RBFOX1: variants seen among roughly 807,000 people sequenced by gnomAD.
RBFOX1 encodes RNA binding fox-1 homolog 1.
A neutral mutation model predicts 57.7 loss-of-function variants in RBFOX1; 8 were observed. The observed-to-expected ratio is 0.14, with a 90% CI of 0.08 to 0.25. The LOEUF is 0.25. Among genes scored for constraint, RBFOX1 ranks in the 10% least tolerant of loss-of-function variants. The probability of loss-of-function intolerance (pLI) is 1.00; values close to 1 mark genes in which losing one functional copy is unlikely to be tolerated. For synonymous variants in RBFOX1, 326 were observed against 222.4 expected (o/e 1.47, Z -4.15); for missense variants, 611 against 548.5 (o/e 1.11, Z -1.14).
intron 4 of RBFOX1, among the ~76,000 whole-genome samples, chr16:5,963,736 A>T (rs1371696806): frequency 6.6e-6 from 1 of 152,198 alleles, no homozygotes; most frequent in African/African-American, 2.4e-5. Context: ...TCCTTATCTT[A>T]TACTATACAT....
At chr16:7,344,184 A>T (rs2096951341) in intron 4 of RBFOX1, among the ~76,000 whole-genome samples, 1 of 149,830 alleles carries the variant, frequency 6.7e-6, no homozygotes, top group Non-Finnish European at 1.5e-5. Context: ...CCATATTAAA[A>T]GTGCCTAAAT....
In RBFOX1 at chr16:6,618,065, G is replaced by A. The variant is rs545493789; in HGVS notation, c.-63-36538G>A. Reference sequence around the variant, plus strand: ...TTTGCTCAAATGCAGCAATCCTTGTGTTTGTTTCTGCTGCTCTAGGCGGGA... The same window carrying A: ...TTTGCTCAAATGCAGCAATCCTTGTATTTGTTTCTGCTGCTCTAGGCGGGA... On this transcript the variant is annotated intron_variant, in intron 2 of 15. Transcript: ENST00000550418. Among the ~76,000 whole-genome samples, 21 of 152,258 alleles carry A rather than the reference G, an allele frequency of 1.4e-4. No individual in the cohort carries two copies. The East Asian group carries it at 3.7e-3, about 27-fold the overall frequency.
At chr16:7,695,676 T>C (rs904150362) in intron 14 of RBFOX1, among the ~76,000 whole-genome samples, 11 of 140,424 alleles carry the variant, frequency 7.8e-5, no homozygotes, top group Admixed American at 7.2e-5. Flanking sequence ...AAAAAAATCC[T>C]GCTGTGCCCA....
chr16:7,032,097 C>T (rs1239180222), intron 3 of RBFOX1, among the ~76,000 whole-genome samples: 1 of 152,102 alleles, frequency 6.6e-6, no homozygotes, highest in East Asian at 1.9e-4. Context: ...AGTGTCCCCT[C>T]TTGAGAATCA....
chr16:7,048,492 C>A (rs191022226), intron 3 of RBFOX1, among the ~76,000 whole-genome samples: 12,718 of 142,318 alleles, frequency 0.089, 815 homozygotes, highest in East Asian at 0.28. Flanking sequence ...ATCTCCTGAC[C>A]TCATGATCCA....
rs528789712 is a variant in RBFOX1 at position 7,250,932 on chromosome 16, C to T, written c.27+198834C>T. Among the ~76,000 whole-genome samples the T allele has an allele frequency of 9.2e-5, 14 of 152,198 alleles. No homozygotes were observed. The East Asian group carries it at 2.5e-3, about 27-fold the overall frequency. On this transcript the variant is annotated intron_variant, in intron 4 of 15. Coordinates refer to ENST00000550418, the MANE Select transcript of RBFOX1 (RefSeq NM_018723.4). Reference sequence around the variant, plus strand: ...TATACATTTATCATGTACAACATGACGTTTTGAAATATGTATATATTGTGG... The same window carrying T: ...TATACATTTATCATGTACAACATGATGTTTTGAAATATGTATATATTGTGG...
chr16:5,427,646 G>A (rs909994789), intron 1 of RBFOX1, among the ~76,000 whole-genome samples: 9 of 151,992 alleles, frequency 5.9e-5, no homozygotes, highest in African/African-American at 2.2e-4. Context: ...CAAGGTAGTT[G>A]GACAGGCTGG....
rs552195191 is a variant in RBFOX1 at position 5,936,369 on chromosome 16, C to T, written c.351+69034C>T. 6.6e-5 allele frequency among the ~76,000 whole-genome samples: 10 copies of T among 152,318 alleles called. No individual in the cohort carries two copies. In the South Asian group the frequency reaches 2.1e-3, roughly 32 times the overall value. On this transcript the variant is annotated intron_variant, in intron 4 of 19. Transcript: ENST00000641259. ...AAATGCCTGACCTCAAGTGATCCACCTACCTTAGCCTCCCACAGTGCTGGG... is the reference window on the plus strand; with the variant it reads ...AAATGCCTGACCTCAAGTGATCCACTTACCTTAGCCTCCCACAGTGCTGGG...
At chr16:5,415,702 C>T (rs1020117918) in intron 1 of RBFOX1, among the ~76,000 whole-genome samples, 4 of 152,034 alleles carry the variant, frequency 2.6e-5, no homozygotes, top group Non-Finnish European at 5.9e-5. Context: ...ATAAAAACTT[C>T]CTCTAAAAGT....
chr16:6,025,360 A>C (rs1207889356), intron 1 of RBFOX1, among the ~76,000 whole-genome samples: 1 of 152,190 alleles, frequency 6.6e-6, no homozygotes, highest in Non-Finnish European at 1.5e-5. Flanking sequence ...AAGAGGGATT[A>C]CTTTATAGGG....
chr16:6,126,657 G>A (rs538476447), intron 1 of RBFOX1, among the ~76,000 whole-genome samples: 3 of 152,206 alleles, frequency 2.0e-5, no homozygotes, highest in African/African-American at 7.2e-5. Context: ...TGTATATTCT[G>A]GGGGTCTGGC....
At chr16:7,604,112 G>C (rs1490322638) in intron 9 of RBFOX1, among the ~76,000 whole-genome samples, 1 of 152,150 alleles carries the variant, frequency 6.6e-6, no homozygotes, top group African/African-American at 2.4e-5. Flanking sequence ...GAAGAATCAA[G>C]GAAGTGTTGA....
chr16:6,430,936 G>C (rs2094062365), intron 2 of RBFOX1, among the ~76,000 whole-genome samples: 3 of 146,552 alleles, frequency 2.0e-5, no homozygotes, highest in Admixed American at 1.4e-4. Flanking sequence ...TTCGAGACCG[G>C]CATGGGCAAC....
intron 2 of RBFOX1, among the ~76,000 whole-genome samples, chr16:6,508,401 C>A (rs2096166921): frequency 6.6e-6 from 1 of 152,082 alleles, no homozygotes; most frequent in East Asian, 1.9e-4. Flanking sequence ...CTTAACACTC[C>A]TGAACTGTAC....
intron 4 of RBFOX1, among the ~76,000 whole-genome samples, chr16:7,336,825 G>A (rs539518998): frequency 6.6e-6 from 1 of 152,144 alleles, no homozygotes; most frequent in African/African-American, 2.4e-5. Context: ...TTTGGAAGTT[G>A]GGCACCAAAG....
chr16:6,973,373 A>G (rs575141971), intron 3 of RBFOX1, among the ~76,000 whole-genome samples: 6 of 152,206 alleles, frequency 3.9e-5, no homozygotes, highest in African/African-American at 1.4e-4. Flanking sequence ...CATTTCAGAG[A>G]TAATTCAACT....
intron 11 of RBFOX1, among the ~76,000 whole-genome samples, chr16:7,653,294 A>T (rs2065492357): frequency 6.6e-6 from 1 of 152,122 alleles, no homozygotes; most frequent in African/African-American, 2.4e-5. Context: ...TGAACCCAGG[A>T]CTTCAAGACC....
intron 4 of RBFOX1, among the ~76,000 whole-genome samples, chr16:7,091,073 C>T (rs1409862298): frequency 2.0e-5 from 3 of 152,118 alleles, no homozygotes; most frequent in Non-Finnish European, 4.4e-5. Context: ...CCAAATGGTC[C>T]CCGCTTAAAC....
intron 4 of RBFOX1, among the ~76,000 whole-genome samples, chr16:5,933,814 C>T (rs889854350): frequency 6.6e-6 from 1 of 150,832 alleles, no homozygotes; most frequent in African/African-American, 2.4e-5. Flanking sequence ...ATATTTTAGG[C>T]TTGTGGGTAC....
Sources: allele counts gnomAD v4.1 joint callset (sites outside exome capture counted in the v4.1 genomes callset), GRCh38; gene constraint gnomAD v4.1.1; transcripts MANE v1.5; gene names NCBI Gene and HGNC (gene_info 2026-07-23, HGNC 2026-07-21).